Variants in KALRN observed in about 807,000 individuals in gnomAD.
KALRN encodes kalirin RhoGEF kinase.
A neutral mutation model predicts 353.7 loss-of-function variants in KALRN; 70 were observed. The ratio of observed to expected loss-of-function variants is 0.20; its 90% confidence interval spans 0.16 to 0.24. The LOEUF is 0.24. Ranked by LOEUF, KALRN falls within the 10% of genes least tolerant of loss-of-function variation. The pLI is 1.00. For synonymous variants in KALRN, 1,391 were observed against 1,434.8 expected (o/e 0.97, Z 0.69); for missense variants, 2,791 against 3,756.7 (o/e 0.74, Z 6.72).
intron 34 of KALRN, among the ~76,000 whole-genome samples, chr3:124,603,193 G>A (rs1295341128): frequency 6.6e-6 from 1 of 152,176 alleles, no homozygotes; most frequent in African/African-American, 2.4e-5. Flanking sequence ...GGAAATGTTT[G>A]TCTACCTTTG....
chr3:124,677,677 G>A, intron 49 of KALRN: 1 of 448,104 alleles, frequency 2.2e-6, no homozygotes, highest in Non-Finnish European at 4.5e-6. Flanking sequence ...GATCAACATT[G>A]TTTGGGAGTG....
Position 124,507,498 on chromosome 3 carries a change from T to C in KALRN, c.4935+11085T>C, listed in dbSNP as rs557532510. ...TTCTGTTAACACGGAAGAATGAAATTTAGGCAGAACAGAAAATTATTTCAA... is the reference window on the plus strand; with the variant it reads ...TTCTGTTAACACGGAAGAATGAAATCTAGGCAGAACAGAAAATTATTTCAA... On this transcript the variant is annotated intron_variant, in intron 33 of 59. Transcript: ENST00000682506. Among the ~76,000 whole-genome samples, 3 of 152,318 alleles carry C rather than the reference T, an allele frequency of 2.0e-5. No homozygotes were observed. In the East Asian group the frequency reaches 5.8e-4, roughly 29 times the overall value.
At chr3:124,291,775 T>G (rs1001698060) in intron 5 of KALRN, among the ~76,000 whole-genome samples, 1 of 152,190 alleles carries the variant, frequency 6.6e-6, no homozygotes, top group African/African-American at 2.4e-5. Flanking sequence ...GTGCTGTCCT[T>G]CCTTGAGCAG....
intron 6 of KALRN, among the ~76,000 whole-genome samples, chr3:124,316,014 AGAG>A (rs1231733581): frequency 6.6e-6 from 1 of 152,200 alleles, no homozygotes; most frequent in Non-Finnish European, 1.5e-5. Flanking sequence ...AGGAAACTGA[AGAG>A]GTGTGAGAGG....
At chr3:124,292,015 G>C (rs909051117) in intron 5 of KALRN, among the ~76,000 whole-genome samples, 1 of 152,156 alleles carries the variant, frequency 6.6e-6, no homozygotes, top group Non-Finnish European at 1.5e-5. Flanking sequence ...TGCAGGATAC[G>C]AAAGAGGTGA....
At chr3:124,231,583 C>T (rs541599384) in intron 2 of KALRN, among the ~76,000 whole-genome samples, 2 of 152,294 alleles carry the variant, frequency 1.3e-5, no homozygotes, top group South Asian at 2.1e-4. Flanking sequence ...ACAAAGAAAA[C>T]GGGGTTCTAC....
At chr3:124,708,891 T>A (rs543366232) in intron 57 of KALRN, among the ~76,000 whole-genome samples, 11 of 151,794 alleles carry the variant, frequency 7.2e-5, no homozygotes, top group African/African-American at 2.4e-4. Flanking sequence ...AAAAACAACA[T>A]ATTACATTTA....
At chr3:124,607,315 C>A (rs1404333454) in intron 34 of KALRN, among the ~76,000 whole-genome samples, 1 of 26,018 alleles carries the variant, frequency 3.8e-5, no homozygotes, top group Admixed American at 4.0e-4. Flanking sequence ...ATAGTATAAA[C>A]ATTGTGCAAG....
intron 1 of KALRN, among the ~76,000 whole-genome samples, chr3:124,151,566 G>GT (rs2149897465): frequency 1.3e-5 from 2 of 152,156 alleles, no homozygotes; most frequent in East Asian, 3.9e-4. Context: ...TTATTGAGTT[G>GT]TAAGAGTTCT....
At chr3:124,603,032 C>T (rs1234112019) in intron 34 of KALRN, among the ~76,000 whole-genome samples, 1 of 152,070 alleles carries the variant, frequency 6.6e-6, no homozygotes, top group Non-Finnish European at 1.5e-5. Flanking sequence ...GTGCCTGAAA[C>T]CATGGGATGG....
At chr3:124,601,866 G>A (rs1578259457) in intron 34 of KALRN, among the ~76,000 whole-genome samples, 1 of 91,920 alleles carries the variant, frequency 1.1e-5, no homozygotes, top group African/African-American at 4.1e-5. Flanking sequence ...CCCATCTCTA[G>A]GAAAAAAAAA....
At chr3:124,682,432 C>A (rs2061382898) in intron 51 of KALRN, among the ~76,000 whole-genome samples, 1 of 152,196 alleles carries the variant, frequency 6.6e-6, no homozygotes, top group Admixed American at 6.5e-5. Context: ...GGACCATGCA[C>A]CCTGTGTGTT....
intron 10 of KALRN, among the ~76,000 whole-genome samples, chr3:124,368,212 C>T (rs1298058710): frequency 1.5e-5 from 2 of 134,582 alleles, no homozygotes; most frequent in Non-Finnish European, 3.2e-5. Flanking sequence ...ACCTCCCTCC[C>T]GGACAGCACG....
chr3:124,112,494 A>C (rs186242575), intron 1 of KALRN, among the ~76,000 whole-genome samples: 1 of 152,168 alleles, frequency 6.6e-6, no homozygotes, highest in East Asian at 1.9e-4. Flanking sequence ...GAAGTTCAGA[A>C]ACCAGATCCT....
intron 2 of KALRN, among the ~76,000 whole-genome samples, chr3:124,230,747 A>G (rs1423891478): frequency 6.6e-6 from 1 of 151,690 alleles, no homozygotes; most frequent in Non-Finnish European, 1.5e-5. Context: ...CTTAGGGAAC[A>G]TTGCCCTTCC....
At chr3:124,500,637 T>C (rs2064406621) in intron 33 of KALRN, among the ~76,000 whole-genome samples, 2 of 152,204 alleles carry the variant, frequency 1.3e-5, no homozygotes, top group Non-Finnish European at 2.9e-5. Context: ...ATTAGTAGCT[T>C]TTCCAGGGTT....
chr3:124,481,061 C>T (rs1401954005), intron 27 of KALRN, among the ~76,000 whole-genome samples: 1 of 152,102 alleles, frequency 6.6e-6, no homozygotes, highest in Non-Finnish European at 1.5e-5. Flanking sequence ...CATATCTATA[C>T]ACCTGGGCTT....
At chr3:124,292,235 C>T (rs1340382345) in intron 5 of KALRN, among the ~76,000 whole-genome samples, 1 of 152,162 alleles carries the variant, frequency 6.6e-6, no homozygotes, top group Non-Finnish European at 1.5e-5. Flanking sequence ...TCTCTAGGAC[C>T]TCTCTGCCAC....
intron 1 of KALRN, among the ~76,000 whole-genome samples, chr3:124,129,718 C>T (rs901270981): frequency 6.6e-6 from 1 of 152,204 alleles, no homozygotes; most frequent in African/African-American, 2.4e-5. Flanking sequence ...ACTCTATCAC[C>T]ATGGCCCTAT....
Sources: gnomAD v4.1 joint callset for allele counts (sites outside exome capture counted in the v4.1 genomes callset) on GRCh38, gnomAD v4.1.1 for gene constraint, MANE v1.5 for transcripts, NCBI Gene and HGNC (gene_info 2026-07-23, HGNC 2026-07-21) for gene names.